Variants in NLGN4X observed in about 807,000 individuals in gnomAD.
NLGN4X encodes the protein neuroligin 4 X-linked.
In NLGN4X, 3 loss-of-function variants were observed where a neutral mutation model predicts 40.3. The observed-to-expected ratio is 0.07, with a 90% CI of 0.03 to 0.19. NLGN4X has a LOEUF of 0.19. Among genes scored for constraint, NLGN4X ranks in the 10% least tolerant of loss-of-function variants. NLGN4X has a pLI of 1.00. For missense variants in NLGN4X, 382 were observed against 708.3 expected (o/e 0.54, Z 5.23); for synonymous variants, 270 against 306.8 (o/e 0.88, Z 1.25).
intron 2 of NLGN4X, among the ~76,000 whole-genome samples, chrX:6,109,711 G>A (rs2039104934): frequency 8.9e-6 from 1 of 111,842 alleles, no homozygotes; most frequent in African/African-American, 3.2e-5. Flanking sequence ...ACATGCATTT[G>A]GGTGTGCTCA....
chrX:6,215,645 A>G (rs1263011669), intron 1 of NLGN4X, among the ~76,000 whole-genome samples: 1 of 111,426 alleles, frequency 9.0e-6, no homozygotes, highest in South Asian at 3.8e-4. Flanking sequence ...GCTCAAGTAC[A>G]TTCAAGTCCT....
intron 3 of NLGN4X, among the ~76,000 whole-genome samples, chrX:5,952,617 C>G (rs1014248420): frequency 9.0e-6 from 1 of 110,843 alleles, no homozygotes; most frequent in Non-Finnish European, 1.9e-5. Flanking sequence ...TAATGTATAT[C>G]AAAGTTCTCT....
chrX:6,109,745 G>A (rs745834747), intron 2 of NLGN4X, among the ~76,000 whole-genome samples: 2 of 111,578 alleles, frequency 1.8e-5, no homozygotes, highest in Admixed American at 9.5e-5. Context: ...CAGTCTGAGC[G>A]AAAAAATAAA....
chrX:6,082,933 A>AT (rs1231683545), intron 2 of NLGN4X, among the ~76,000 whole-genome samples: 2 of 92,287 alleles, frequency 2.2e-5, no homozygotes, highest in Non-Finnish European at 4.3e-5. Flanking sequence ...AAAAAAAGAG[A>AT]TTTTGCCATG....
At chrX:6,121,431 G>C (rs1285468167) in intron 2 of NLGN4X, among the ~76,000 whole-genome samples, 1 of 111,754 alleles carries the variant, frequency 8.9e-6, no homozygotes, top group African/African-American at 3.3e-5. Flanking sequence ...ACCCTATCAT[G>C]CAACAGACAT....
intron 3 of NLGN4X, among the ~76,000 whole-genome samples, chrX:5,966,067 G>A (rs2034823893): frequency 8.9e-6 from 1 of 111,801 alleles, no homozygotes; most frequent in South Asian, 3.8e-4. Flanking sequence ...CTTGCAAATG[G>A]TATTGATCAT....
chrX:6,181,093 A>G (rs12836764), intron 1 of NLGN4X, among the ~76,000 whole-genome samples: 55,055 of 110,095 alleles, frequency 0.5, 10,235 homozygotes, highest in Non-Finnish European at 0.58. Flanking sequence ...TCTCCCTGGT[A>G]TATCAGCTGC....
intron 3 of NLGN4X, among the ~76,000 whole-genome samples, chrX:6,002,618 G>C (rs2035999423): frequency 8.9e-6 from 1 of 112,289 alleles, no homozygotes; most frequent in Admixed American, 9.5e-5. Flanking sequence ...AGGGACAGAA[G>C]GCAGGGAAAT....
chrX:6,190,528 C>T (rs1315241579), intron 1 of NLGN4X, among the ~76,000 whole-genome samples: 3 of 112,221 alleles, frequency 2.7e-5, no homozygotes, highest in Non-Finnish European at 3.8e-5. Context: ...ATCAGATGAA[C>T]CTTTCTAAAA....
At chrX:6,196,001 C>T (rs1173365238) in intron 1 of NLGN4X, among the ~76,000 whole-genome samples, 2 of 110,612 alleles carry the variant, frequency 1.8e-5, no homozygotes, top group African/African-American at 6.6e-5. Flanking sequence ...ACTATTTTGC[C>T]CAGGCTGGTC....
chrX:6,151,487 T>G lies in NLGN4X; in HGVS notation c.-21A>C. 1 of 1,162,428 alleles carries G rather than the reference T, an allele frequency of 8.6e-7. No individual in the cohort carries two copies. The highest frequency in any genetic ancestry group is 1.2e-6 in the Non-Finnish European group (1 of 851,479). ...GACATGGTTCAAATCTGCATCCACA[T>G]CCACAGCTGTCCCAGTGATGTGGCT... On this transcript the variant is annotated 5_prime_UTR_variant, in exon 2 of 6. An upstream start codon of the reference 5' UTR is lost. Transcript: ENST00000381095.
intron 3 of NLGN4X, among the ~76,000 whole-genome samples, chrX:5,921,169 ATT>A (rs2033028417): frequency 1.0e-5 from 1 of 99,523 alleles, no homozygotes; most frequent in Non-Finnish European, 2.0e-5. Context: ...ATATATATAT[ATT>A]AGACATGTAT....
chrX:6,226,941 C>T (rs1176544888), intron 1 of NLGN4X: 1 of 120,006 alleles, frequency 8.3e-6, no homozygotes, highest in Non-Finnish European at 1.7e-5. Flanking sequence ...GCTGTGGGCG[C>T]CCCAGCCGCG....
At position 6,085,547 on chromosome X, in the gene NLGN4X, C is replaced by T. The variant is rs773480421; in HGVS notation, c.473-56115G>A. Among the ~76,000 whole-genome samples, 5 of 111,814 alleles carry T rather than the reference C, an allele frequency of 4.5e-5. No individual in the cohort carries two copies. In the South Asian group the frequency reaches 1.5e-3, roughly 34 times the overall value. ...GATATAACATTAATTCTTCAACATC[C>T]GCATTAAGAGATGGATTCAACCTAA... On this transcript the variant is annotated intron_variant, in intron 2 of 5. Coordinates refer to ENST00000381095, the MANE Select transcript of NLGN4X (RefSeq NM_181332.3).
At chrX:5,907,020 G>A in intron 4 of NLGN4X, among the ~76,000 whole-genome samples, 1 of 109,662 alleles carries the variant, frequency 9.1e-6, no homozygotes, top group African/African-American at 3.3e-5. Flanking sequence ...GGTGGATGTT[G>A]CGGTAAGCCA....
intron 2 of NLGN4X, among the ~76,000 whole-genome samples, chrX:6,058,938 T>C (rs2037701863): frequency 8.9e-6 from 1 of 111,905 alleles, no homozygotes; most frequent in Non-Finnish European, 1.9e-5. Context: ...AATCTCAAAG[T>C]ACCTCACCTT....
intron 3 of NLGN4X, among the ~76,000 whole-genome samples, chrX:5,993,701 C>T (rs5961912): frequency 0.024 from 2,693 of 110,660 alleles, 98 homozygotes; most frequent in East Asian, 0.18. Flanking sequence ...GATGAAGATG[C>T]CGGAGGGTTG....
At chrX:6,085,546 C>T (rs2038476333) in intron 2 of NLGN4X, among the ~76,000 whole-genome samples, 1 of 111,916 alleles carries the variant, frequency 8.9e-6, no homozygotes. Flanking sequence ...TCTTCAACAT[C>T]CGCATTAAGA....
At chrX:5,932,054 A>G (rs1411838928) in intron 3 of NLGN4X, among the ~76,000 whole-genome samples, 1 of 111,297 alleles carries the variant, frequency 9.0e-6, no homozygotes, top group African/African-American at 3.3e-5. Context: ...GCCCACGGAA[A>G]ACTCAGCTGC....
Sources: gnomAD v4.1 joint callset for allele counts (sites outside exome capture counted in the v4.1 genomes callset) on GRCh38, gnomAD v4.1.1 for gene constraint, MANE v1.5 for transcripts, NCBI Gene and HGNC (gene_info 2026-07-23, HGNC 2026-07-21) for gene names.